Variants in NLRC3 observed in about 807,000 individuals in gnomAD.
The protein encoded by NLRC3 is NLR family CARD domain containing 3, also known as NLR family CARD domain-containing protein 3.
Under a neutral mutation model 91.6 loss-of-function variants are expected in NLRC3, and 87 were observed. That is an observed-to-expected ratio of 0.95 (90% CI 0.80 to 1.14). The LOEUF (loss-of-function observed/expected upper bound fraction) is 1.14, where lower values mean the gene tolerates loss of function less well. NLRC3 is among the 50% of genes most tolerant of loss of function. The pLI, the probability that NLRC3 is intolerant of heterozygous loss-of-function variation, is 0.00. For synonymous variants in NLRC3, 694 were observed against 625.3 expected, an observed-to-expected ratio of 1.11 and a Z score of -1.64; for missense variants, 1,577 against 1,418.6, an observed-to-expected ratio of 1.11 and a Z score of -1.79.
At chr16:3,566,754 G>A (rs902982792) in intron 2 of NLRC3, among the ~76,000 whole-genome samples, 19 of 151,890 alleles carry the variant, frequency 1.3e-4, no homozygotes, top group African/African-American at 3.6e-4. Flanking sequence ...AGCCAGGCGT[G>A]GTGGCTGGTG....
chr16:3,543,706 G>A (rs2038533809), intron 16 of NLRC3, 198 bp from the exon 17 acceptor site: 2 of 583,206 alleles, frequency 3.4e-6, no homozygotes, highest in South Asian at 2.0e-5. Flanking sequence ...GGATGCTAAG[G>A]AGATGAGAAA....
At chr16:3,576,006 C>G (rs1596504577) in intron 1 of NLRC3, among the ~76,000 whole-genome samples, 1 of 152,192 alleles carries the variant, frequency 6.6e-6, no homozygotes, top group African/African-American at 2.4e-5. Flanking sequence ...GGAAGTGGCA[C>G]CTGCACCTCA....
chr16:3,542,138 T>TGC, intron 19 of NLRC3, 53 bp downstream of exon 19: 2 of 1,296,316 alleles, frequency 1.5e-6, no homozygotes, highest in Non-Finnish European at 2.2e-6. Flanking sequence ...CAAAAGGCAG[T>TGC]GCGCCACCTG....
Position 3,564,559 on chromosome 16 carries a change from C to A in NLRC3, c.378G>T (p.Arg126=). The A allele has an allele frequency of 6.2e-7, 1 of 1,611,718 alleles. No homozygotes were observed. Among genetic ancestry groups the A allele is most frequent in the Non-Finnish European group, 8.5e-7 (1 of 1,179,552 alleles). ...GHPARTVALD[R]LFLPLSRVSV... is the part of the protein sequence containing the mutation. The stretch of plus-strand genomic sequence containing the variant: ...ACACCCGGGAGAGAGGCAGGAAGAG[C>A]CGGTCCAGGGCGACGGTCCTGGCGG... The change falls in exon 5 of 20, where the codon CGG becomes CGT. Residue 126 remains arginine (R), a synonymous_variant. Transcript: ENST00000359128. The surrounding 1 kb of genome is among the most constrained non-coding windows in gnomAD (Gnocchi z 5.9).
At chr16:3,566,381 A>T (rs760930658) in intron 2 of NLRC3, among the ~76,000 whole-genome samples, 11 of 152,108 alleles carry the variant, frequency 7.2e-5, no homozygotes, top group Non-Finnish European at 1.2e-4. Flanking sequence ...ACTTGAGGTC[A>T]GGAATTTGAG....
intron 6 of NLRC3, among the ~76,000 whole-genome samples, chr16:3,559,727 C>T (rs2039519660): frequency 6.6e-6 from 1 of 151,170 alleles, no homozygotes; most frequent in African/African-American, 2.4e-5. Context: ...CAACTTCTGC[C>T]TCCCAGACTC....
intron 5 of NLRC3, among the ~76,000 whole-genome samples, chr16:3,562,035 C>T (rs763951308): frequency 7.2e-5 from 11 of 152,196 alleles, no homozygotes; most frequent in Admixed American, 2.0e-4. Context: ...CCCCACATAC[C>T]GCCTGCCTCT....
At chr16:3,555,714 C>T (rs1208382723) in intron 8 of NLRC3, 1 of 151,646 alleles carries the variant, frequency 6.6e-6, no homozygotes, top group African/African-American at 2.4e-5. Flanking sequence ...AGGCACCTGT[C>T]ACCATGCCTG....
At chr16:3,555,924 AAAT>A (rs1439397414) in intron 8 of NLRC3, 2 of 38,836 alleles carry the variant, frequency 5.1e-5, no homozygotes, top group African/African-American at 1.2e-4. Context: ...ACCCTAATAA[AAAT>A]AAATAAATAA....
chr16:3,556,999 A>G lies in NLRC3; in HGVS notation c.2100-5T>C, dbSNP rs980573250. 1.4e-5 allele frequency: 23 copies of G among 1,607,620 alleles called. No individual in the cohort carries two copies. The highest frequency in any genetic ancestry group is 1.7e-5 in the Non-Finnish European group (20 of 1,174,186). On this transcript the variant is annotated splice_polypyrimidine_tract_variant and splice_region_variant and intron_variant, in intron 7 of 19. Coordinates refer to ENST00000359128, the MANE Select transcript of NLRC3 (RefSeq NM_178844.4). ...CCAATGGAGTTACCGCGGAGGCTGAAGGAAGAGAGAAAGAGACACCTCCTT... is the reference window on the plus strand; with the variant it reads ...CCAATGGAGTTACCGCGGAGGCTGAGGGAAGAGAGAAAGAGACACCTCCTT...
At chr16:3,556,884 A>G (rs1160890819) in intron 8 of NLRC3, 27 bp downstream of exon 8, 1 of 1,551,362 alleles carries the variant, frequency 6.4e-7, no homozygotes, top group Non-Finnish European at 8.9e-7. Context: ...TCTTGGGGTC[A>G]CAACACAGGG....
intron 3 of NLRC3, 71 bp downstream of exon 3, chr16:3,565,248 A>G: frequency 1.4e-6 from 1 of 695,830 alleles, no homozygotes; most frequent in East Asian, 2.7e-5. Flanking sequence ...GGTAGCAATG[A>G]TCACACGAAT....
chr16:3,564,237 C>T lies in NLRC3; in HGVS notation c.700G>A (p.Val234Met), dbSNP rs373777098. The T allele has an allele frequency of 1.2e-5, 19 of 1,612,844 alleles. No individual in the cohort carries two copies. Among genetic ancestry groups the T allele is most frequent in the African/African-American group, 5.3e-5 (4 of 74,928 alleles). ...TCCTTCTTTGGGTCCGTGCAGGCCACGGTGTTGGAGAAGTCCAGAGGCGTC... is the reference window on the plus strand; with the variant it reads ...TCCTTCTTTGGGTCCGTGCAGGCCATGGTGTTGGAGAAGTCCAGAGGCGTC... ...CRTPLDFSNT[V>M]ACTDPKKEIP... is the part of the protein sequence containing the mutation. The change falls in exon 5 of 20, where the codon GTG becomes ATG. Residue 234 changes from valine (V) to methionine (M), a missense_variant. Transcript: ENST00000359128. This position sits in a 1 kb window ranked among gnomAD's most constrained non-coding sequence, Gnocchi z 5.9.
chr16:3,561,582 T>C (rs2039613060), intron 6 of NLRC3, 120 bp downstream of exon 6: 1 of 661,812 alleles, frequency 1.5e-6, no homozygotes, highest in South Asian at 1.8e-5. Context: ...TGGAGCCACA[T>C]GCTCCAAAGA....
chr16:3,566,741 AT>A (rs1188716389), intron 2 of NLRC3, among the ~76,000 whole-genome samples: 2 of 150,886 alleles, frequency 1.3e-5, no homozygotes, highest in African/African-American at 4.9e-5. Context: ...AAAAAAAAAA[AT>A]TAGCCAGGCG....
In NLRC3 at chr16:3,577,161, G is replaced by C. The variant is rs762198260; in HGVS notation, c.-181C>G. 2.8e-6 allele frequency: 2 copies of C among 702,966 alleles called. No individual in the cohort carries two copies. The highest frequency in any genetic ancestry group is 3.0e-5 in the South Asian group (2 of 67,602). 43.5% of individuals were successfully genotyped at this position (702,966 alleles called of 1,614,324 possible). Reference sequence around the variant, plus strand: ...GGACCCAACTTACCTCCCGGGCCTCGATGCTGCTCCAGGGACAGCAAGACT... The same window carrying C: ...GGACCCAACTTACCTCCCGGGCCTCCATGCTGCTCCAGGGACAGCAAGACT... On this transcript the variant is annotated 5_prime_UTR_variant, in exon 1 of 20. It adds an upstream start codon to the 5' untranslated region. Transcript: ENST00000359128.
At chr16:3,550,728 A>C (rs1410606204) in intron 10 of NLRC3, among the ~76,000 whole-genome samples, 4 of 152,220 alleles carry the variant, frequency 2.6e-5, no homozygotes, top group Admixed American at 6.5e-5. Flanking sequence ...CCTGGCAAGA[A>C]GGGTCAACCC....
chr16:3,548,143 G>A lies in NLRC3; in HGVS notation c.2763C>T (p.Thr921=), dbSNP rs760169131. The change falls in exon 15 of 20, where the codon ACC becomes ACT. Residue 921 remains threonine, a synonymous_variant. Coordinates refer to ENST00000359128, the MANE Select transcript of NLRC3 (RefSeq NM_178844.4). ...TGGGCAGGCCAACTTACTCTAAGCTGGTGAGGCTCCTGTTGAGCTGTAGTG... is the reference window on the plus strand; with the variant it reads ...TGGGCAGGCCAACTTACTCTAAGCTAGTGAGGCTCCTGTTGAGCTGTAGTG... ...GQALQLNRSL[T]SLDLQENAIG... 12 of 1,585,606 alleles carry A rather than the reference G, an allele frequency of 7.6e-6. No homozygotes were observed. The African/African-American group carries it at 1.5e-4, about 20-fold the overall frequency.
chr16:3,570,566 C>T (rs563550329), intron 1 of NLRC3, among the ~76,000 whole-genome samples: 2 of 152,144 alleles, frequency 1.3e-5, no homozygotes, highest in Admixed American at 1.3e-4. Flanking sequence ...GACAAAGAAG[C>T]CTGGAATTCT....
Sources: gnomAD v4.1 joint callset for allele counts (sites outside exome capture counted in the v4.1 genomes callset) on GRCh38, gnomAD v4.1.1 for gene constraint, Gnocchi (gnomAD v3.1) non-coding constraint, MANE v1.5 for transcripts, NCBI Gene and HGNC (gene_info 2026-07-23, HGNC 2026-07-21) for gene names.